XRCC4: variants seen among roughly 807,000 people sequenced by gnomAD.
The protein encoded by XRCC4 is DNA repair protein XRCC4.
XRCC4 carries 28 observed loss-of-function variants against 39.1 expected under a neutral mutation model. The observed-to-expected ratio is 0.72, with a 90% CI of 0.53 to 0.98. The LOEUF (loss-of-function observed/expected upper bound fraction) is 0.98. Among genes scored for constraint, XRCC4 ranks in the 50% least tolerant of loss-of-function variants. The probability of loss-of-function intolerance (pLI) is 0.00; values close to 1 mark genes in which losing one functional copy is unlikely to be tolerated. For missense variants in XRCC4, 350 were observed against 376.4 expected, an observed-to-expected ratio of 0.93 and a Z score of 0.58; for synonymous variants, 123 against 126.4, an observed-to-expected ratio of 0.97 and a Z score of 0.18.
intron 7 of XRCC4, among the ~76,000 whole-genome samples, chr5:83,307,162 C>T (rs1755520482): frequency 6.6e-6 from 1 of 152,222 alleles, no homozygotes; most frequent in African/African-American, 2.4e-5. Context: ...GACAAATTCT[C>T]TAAGTGCTGA....
chr5:83,340,355 T>C (rs984082640), intron 7 of XRCC4, among the ~76,000 whole-genome samples: 2 of 152,204 alleles, frequency 1.3e-5, no homozygotes, highest in African/African-American at 2.4e-5. Context: ...TTAGACCACG[T>C]AGCAATGGGA....
Position 83,264,404 on chromosome 5 carries a change from ATCT to A in XRCC4, c.893+5733_893+5735del, listed in dbSNP as rs201528786. Among the ~76,000 whole-genome samples the A allele has an allele frequency of 2.8e-3, 432 of 152,246 alleles. 11 individuals are homozygous for A. In the East Asian group the frequency reaches 0.072, roughly 25 times the overall value. On this transcript the variant is annotated intron_variant, in intron 7 of 7. Transcript: ENST00000396027. ...GAAAGTTATTTGTTTGCTTTCTGATATCTTCTTCCTATGTTTTTATTATTAATG... is the reference window on the plus strand; with the variant it reads ...GAAAGTTATTTGTTTGCTTTCTGATATCTTCCTATGTTTTTATTATTAATG...
intron 6 of XRCC4, among the ~76,000 whole-genome samples, chr5:83,215,817 A>G (rs1439105883): frequency 1.3e-5 from 2 of 152,210 alleles, no homozygotes; most frequent in Non-Finnish European, 2.9e-5. Flanking sequence ...AAACACAAAA[A>G]TTAACTCAAA....
chr5:83,326,606 A>G (rs935580200), intron 7 of XRCC4, among the ~76,000 whole-genome samples: 4 of 152,090 alleles, frequency 2.6e-5, no homozygotes, highest in African/African-American at 9.7e-5. Flanking sequence ...TTTGAACTAC[A>G]ATATGGTTTA....
chr5:83,273,778 A>C (rs186082935), intron 7 of XRCC4, among the ~76,000 whole-genome samples: 1 of 151,908 alleles, frequency 6.6e-6, no homozygotes, highest in African/African-American at 2.4e-5. Context: ...TGGTCTATAT[A>C]TCTGTTTTGG....
At chr5:83,127,400 T>G (rs1351410200) in intron 3 of XRCC4, among the ~76,000 whole-genome samples, 1 of 152,084 alleles carries the variant, frequency 6.6e-6, no homozygotes, top group Admixed American at 6.6e-5. Context: ...GTAGTAAGTC[T>G]CACGAGATCT....
intron 3 of XRCC4, among the ~76,000 whole-genome samples, chr5:83,129,190 A>G (rs1393288489): frequency 2.8e-5 from 4 of 144,296 alleles, no homozygotes; most frequent in South Asian, 4.6e-4. Context: ...AGCTTTCTAC[A>G]TATGGCTAGC....
At chr5:83,086,026 C>T (rs1329208730) in intron 1 of XRCC4, among the ~76,000 whole-genome samples, 2 of 152,288 alleles carry the variant, frequency 1.3e-5, no homozygotes, top group Non-Finnish European at 2.9e-5. Flanking sequence ...ATTCTTTGAA[C>T]GACAGTCCTA....
the XRCC4 span, among the ~76,000 whole-genome samples, chr5:83,367,935 G>A: frequency 1.3e-5 from 2 of 151,872 alleles, no homozygotes; most frequent in African/African-American, 4.8e-5. Flanking sequence ...GTACAACATA[G>A]GCAGCTCTGT....
At chr5:83,156,953 G>A (rs906728293) in intron 3 of XRCC4, among the ~76,000 whole-genome samples, 2 of 152,034 alleles carry the variant, frequency 1.3e-5, no homozygotes, top group African/African-American at 4.8e-5. Context: ...TTTAAGGCTT[G>A]TAAGGGACAC....
rs138898137 is a variant in XRCC4, at chr5:83,211,654, A to T, written c.745+6733A>T. Among the ~76,000 whole-genome samples the T allele has an allele frequency of 2.5e-3, 374 of 152,338 alleles. 1 individual carries two copies. Among genetic ancestry groups the T allele is most frequent in the Middle Eastern group, 0.01 (3 of 294 alleles). ...CCCAACAAAAGAAAAGAAACCTATT[A>T]GCTTGAGGTGTTTGTGCATTATTTC... On this transcript the variant is annotated intron_variant, in intron 6 of 7. Coordinates refer to ENST00000396027, the MANE Select transcript of XRCC4 (RefSeq NM_003401.5).
chr5:83,253,334 C>G (rs1753399102), intron 6 of XRCC4, among the ~76,000 whole-genome samples: 1 of 152,046 alleles, frequency 6.6e-6, no homozygotes, highest in African/African-American at 2.4e-5. Flanking sequence ...GGAAACCACT[C>G]ATGGTTGGTT....
chr5:83,204,519 A>C (rs1487722525), intron 5 of XRCC4, among the ~76,000 whole-genome samples: 1 of 152,120 alleles, frequency 6.6e-6, no homozygotes, highest in Non-Finnish European at 1.5e-5. Flanking sequence ...ACTCACAGAG[A>C]TAATTTGTTA....
intron 3 of XRCC4, among the ~76,000 whole-genome samples, chr5:83,194,840 C>T (rs893531225): frequency 2.0e-5 from 3 of 152,092 alleles, no homozygotes; most frequent in African/African-American, 7.2e-5. Context: ...GACTTTACCC[C>T]TTCAATAACT....
At chr5:83,282,782 C>G (rs953171374) in intron 7 of XRCC4, among the ~76,000 whole-genome samples, 1 of 152,062 alleles carries the variant, frequency 6.6e-6, no homozygotes, top group Non-Finnish European at 1.5e-5. Flanking sequence ...GTGGAGCTTG[C>G]AGTGAGCCGA....
intron 7 of XRCC4, among the ~76,000 whole-genome samples, chr5:83,311,620 C>G (rs1057271483): frequency 3.3e-5 from 5 of 151,812 alleles, no homozygotes; most frequent in South Asian, 4.1e-4. Context: ...AAAAGACTTT[C>G]AACCATAAAA....
At chr5:83,184,631 C>T (rs1366281848) in intron 3 of XRCC4, among the ~76,000 whole-genome samples, 2 of 152,044 alleles carry the variant, frequency 1.3e-5, no homozygotes, top group Non-Finnish European at 2.9e-5. Flanking sequence ...GTTATAGTTT[C>T]TGAGTATCCC....
rs140686566 is a variant in XRCC4 at position 83,253,933 on chromosome 5, T to G, written c.746-4597T>G. Among the ~76,000 whole-genome samples, 750 of 152,266 alleles carry G rather than the reference T, an allele frequency of 4.9e-3. 3 individuals are homozygous for G. Among genetic ancestry groups the G allele is most frequent in the African/African-American group, 0.017 (691 of 41,556 alleles). On this transcript the variant is annotated intron_variant, in intron 6 of 7. Transcript: ENST00000396027. ...TGTCAGATGAGAAGAAGTGTGGCTT[T>G]TTGTGGAGCCACCTTTCACAATAAC...
At chr5:83,164,766 T>C (rs889868682) in intron 3 of XRCC4, among the ~76,000 whole-genome samples, 4 of 152,152 alleles carry the variant, frequency 2.6e-5, no homozygotes, top group Non-Finnish European at 4.4e-5. Flanking sequence ...CCAAATTTTT[T>C]TCTCTCAGTC....
Sources: allele counts gnomAD v4.1 joint callset (sites outside exome capture counted in the v4.1 genomes callset), GRCh38; gene constraint gnomAD v4.1.1; transcripts MANE v1.5; gene names NCBI Gene and HGNC (gene_info 2026-07-23, HGNC 2026-07-21).